DNM3: variants seen among roughly 807,000 people sequenced by gnomAD.
DNM3 encodes dynamin 3.
DNM3 carries 47 observed loss-of-function variants against 101.6 expected under a neutral mutation model. The observed-to-expected ratio is 0.46, with a 90% CI of 0.37 to 0.59. The LOEUF (loss-of-function observed/expected upper bound fraction) is 0.59. DNM3 is among the 20% of genes least tolerant of loss of function. DNM3 has a pLI of 0.00. For synonymous variants in DNM3, 385 were observed against 387.9 expected (o/e 0.99, Z 0.09); for missense variants, 849 against 1,085.7 (o/e 0.78, Z 3.06).
intron 14 of DNM3, among the ~76,000 whole-genome samples, chr1:172,215,554 G>A (rs983208892): frequency 6.6e-6 from 1 of 151,826 alleles, no homozygotes; most frequent in East Asian, 1.9e-4. Flanking sequence ...GGAAATCAGA[G>A]GCAGTTAATT....
chr1:171,917,458 A>AT (rs1269372170), intron 1 of DNM3, among the ~76,000 whole-genome samples: 1 of 152,056 alleles, frequency 6.6e-6, no homozygotes, highest in Non-Finnish European at 1.5e-5. Flanking sequence ...ATTGTACTCT[A>AT]TTTTTTTGTC....
chr1:172,279,631 A>T (rs1204384353), intron 15 of DNM3, among the ~76,000 whole-genome samples: 2 of 152,108 alleles, frequency 1.3e-5, no homozygotes, highest in East Asian at 3.9e-4. Context: ...TTCCACCCAG[A>T]CATGCTCCTC....
At chr1:172,336,320 G>A (rs1183243702) in intron 17 of DNM3, among the ~76,000 whole-genome samples, 1 of 151,994 alleles carries the variant, frequency 6.6e-6, no homozygotes, top group Non-Finnish European at 1.5e-5. Context: ...TAGCGTTAAT[G>A]CACTTTCTAA....
intron 2 of DNM3, among the ~76,000 whole-genome samples, chr1:171,941,032 A>G (rs1487373750): frequency 1.3e-5 from 2 of 152,284 alleles, no homozygotes; most frequent in South Asian, 2.1e-4. Context: ...ATTATTTTGT[A>G]TCTGTGCTAT....
chr1:171,919,159 T>A (rs188085340), intron 1 of DNM3, among the ~76,000 whole-genome samples: 91 of 152,190 alleles, frequency 6.0e-4, no homozygotes, highest in African/African-American at 2.0e-3. Context: ...TGACTTAAAT[T>A]TTTTTTATTA....
intron 14 of DNM3, among the ~76,000 whole-genome samples, chr1:172,174,190 T>C (rs2059070662): frequency 6.6e-6 from 1 of 151,618 alleles, no homozygotes; most frequent in African/African-American, 2.4e-5. Flanking sequence ...TATTAGAAAA[T>C]ATTTCTTAAA....
At chr1:171,902,752 A>C (rs2125236817) in intron 1 of DNM3, among the ~76,000 whole-genome samples, 1 of 152,276 alleles carries the variant, frequency 6.6e-6, no homozygotes, top group Middle Eastern at 3.4e-3. Flanking sequence ...TTAGGTGTTT[A>C]TCAAGGATTG....
At chr1:172,078,027 T>A (rs1238093321) in intron 11 of DNM3, among the ~76,000 whole-genome samples, 1 of 152,156 alleles carries the variant, frequency 6.6e-6, no homozygotes, top group African/African-American at 2.4e-5. Context: ...GCTCTTCTTG[T>A]TGCATTGATC....
chr1:171,992,518 C>T (rs2045705281), intron 4 of DNM3, among the ~76,000 whole-genome samples: 1 of 152,072 alleles, frequency 6.6e-6, no homozygotes, highest in Non-Finnish European at 1.5e-5. Context: ...ATAGGCTTGG[C>T]TTATTTACAA....
rs2046581321 is a variant in DNM3, at chr1:172,004,964, GA to G, written c.589+15817del. On this transcript the variant is annotated intron_variant, in intron 4 of 20. Coordinates refer to ENST00000627582, the MANE Select transcript of DNM3 (RefSeq NM_015569.5). ...TACAAGCTGTTCTGCTAAAGTAACA[GA>G]GAAACATTCTGAAGAAATTTTGCTT... Among the ~76,000 whole-genome samples, 3 of 152,164 alleles carry G rather than the reference GA, an allele frequency of 2.0e-5. No homozygotes were observed. In the South Asian group the frequency reaches 6.2e-4, roughly 32 times the overall value.
At chr1:172,145,207 C>A (rs1014241159) in intron 14 of DNM3, among the ~76,000 whole-genome samples, 9 of 152,046 alleles carry the variant, frequency 5.9e-5, no homozygotes, top group Admixed American at 3.9e-4. Context: ...GAAAGTTGAA[C>A]ACTGGAAGGC....
At chr1:171,935,087 G>A (rs1048648987) in intron 2 of DNM3, among the ~76,000 whole-genome samples, 4 of 151,828 alleles carry the variant, frequency 2.6e-5, no homozygotes, top group East Asian at 3.9e-4. Flanking sequence ...AAACTCCTAC[G>A]GCTTGCTTTT....
At chr1:172,036,864 C>T (rs1368362564) in intron 6 of DNM3, among the ~76,000 whole-genome samples, 1 of 151,020 alleles carries the variant, frequency 6.6e-6, no homozygotes, top group Non-Finnish European at 1.5e-5. Flanking sequence ...AGGCAACCTA[C>T]AAAATGGGAG....
chr1:172,143,510 C>T (rs1318038392), intron 14 of DNM3, among the ~76,000 whole-genome samples: 1 of 152,020 alleles, frequency 6.6e-6, no homozygotes, highest in East Asian at 1.9e-4. Context: ...TTCCCTCCCA[C>T]CTTCCTCCCC....
At chr1:172,089,591 A>G (rs1418767961) in intron 12 of DNM3, among the ~76,000 whole-genome samples, 1 of 152,244 alleles carries the variant, frequency 6.6e-6, no homozygotes, top group Middle Eastern at 3.2e-3. Context: ...AGCTAAATAC[A>G]TCATTAGCAA....
intron 14 of DNM3, among the ~76,000 whole-genome samples, chr1:172,183,328 T>C (rs942537540): frequency 5.3e-5 from 8 of 152,160 alleles, no homozygotes; most frequent in African/African-American, 1.9e-4. Context: ...ATGGATATAA[T>C]ATCATGATGT....
intron 14 of DNM3, among the ~76,000 whole-genome samples, chr1:172,244,223 C>T (rs931489987): frequency 1.3e-5 from 2 of 151,808 alleles, no homozygotes; most frequent in Non-Finnish European, 1.5e-5. Flanking sequence ...GCATAGTATT[C>T]CATGGTGTAT....
intron 15 of DNM3, among the ~76,000 whole-genome samples, chr1:172,282,342 T>C (rs1046174241): frequency 6.6e-6 from 1 of 152,146 alleles, no homozygotes; most frequent in Non-Finnish European, 1.5e-5. Context: ...GCTAAATGCT[T>C]TGCATGCATT....
At chr1:172,088,012 G>A (rs1343991641) in intron 12 of DNM3, among the ~76,000 whole-genome samples, 1 of 152,080 alleles carries the variant, frequency 6.6e-6, no homozygotes, top group African/African-American at 2.4e-5. Context: ...AAATTATTTA[G>A]GTTTCCTAGT....
Sources: allele counts gnomAD v4.1 joint callset (sites outside exome capture counted in the v4.1 genomes callset), GRCh38; gene constraint gnomAD v4.1.1; transcripts MANE v1.5; gene names NCBI Gene and HGNC (gene_info 2026-07-23, HGNC 2026-07-21).